Variants in CYSLTR1 observed in about 807,000 individuals in gnomAD.
CYSLTR1 encodes the protein G-protein coupled receptor HG55.
A neutral mutation model predicts 2.1 loss-of-function variants in CYSLTR1; 1 was observed. The ratio of observed to expected loss-of-function variants is 0.48; its 90% CI spans 0.17 to 2.28. The LOEUF is 2.28. CYSLTR1 is among the 30% of genes most tolerant of loss of function. CYSLTR1 has a pLI of 0.26. For synonymous variants in CYSLTR1, 110 were observed against 89.6 expected (o/e 1.23, Z -1.28); for missense variants, 299 against 250.1 (o/e 1.20, Z -1.32).
chrX:78,322,534 A>G (rs1190257904), intron 1 of CYSLTR1, among the ~76,000 whole-genome samples: 2 of 111,788 alleles, frequency 1.8e-5, no homozygotes, highest in African/African-American at 6.5e-5. Context: ...CTCATCCTCT[A>G]TGGAGATTTA....
At chrX:78,297,809 C>T (rs1255954629) in intron 1 of CYSLTR1, among the ~76,000 whole-genome samples, 1 of 111,217 alleles carries the variant, frequency 9.0e-6, no homozygotes, top group African/African-American at 3.3e-5. Context: ...TTTTGCTTAA[C>T]TTTTCAAAAA....
At chrX:78,289,773 G>C (rs981284587) in intron 1 of CYSLTR1, among the ~76,000 whole-genome samples, 3 of 112,265 alleles carry the variant, frequency 2.7e-5, no homozygotes, top group African/African-American at 9.7e-5. Flanking sequence ...TTTGAGAAGT[G>C]TCTGTTCATA....
At chrX:78,279,459 G>A (rs1186420181) in intron 2 of CYSLTR1, among the ~76,000 whole-genome samples, 7 of 111,282 alleles carry the variant, frequency 6.3e-5, no homozygotes, top group Non-Finnish European at 1.1e-4. Context: ...AATAGATGTC[G>A]GCGAGTTTGC....
At chrX:78,281,117 G>A (rs1376624742) in intron 2 of CYSLTR1, among the ~76,000 whole-genome samples, 1 of 111,114 alleles carries the variant, frequency 9.0e-6, no homozygotes, top group Non-Finnish European at 1.9e-5. Flanking sequence ...GGAATTGCTG[G>A]GTGGAATGAT....
intron 2 of CYSLTR1, among the ~76,000 whole-genome samples, chrX:78,275,821 T>A (rs915973417): frequency 2.7e-5 from 3 of 111,418 alleles, no homozygotes; most frequent in Non-Finnish European, 3.8e-5. Context: ...CTATGGAAAA[T>A]AATCTAATTT....
intron 2 of CYSLTR1, among the ~76,000 whole-genome samples, chrX:78,274,674 G>T (rs1169287569): frequency 1.8e-5 from 2 of 110,141 alleles, no homozygotes; most frequent in African/African-American, 6.6e-5. Flanking sequence ...CATGGGCAAG[G>T]ACTTCATGTC....
At chrX:78,325,142 C>G (rs1157018092) in intron 1 of CYSLTR1, among the ~76,000 whole-genome samples, 2 of 112,182 alleles carry the variant, frequency 1.8e-5, no homozygotes, top group Non-Finnish European at 3.8e-5. Context: ...TTTTTAAATA[C>G]TACTCTTAAA....
At chrX:78,275,801 C>T (rs1442696201) in intron 2 of CYSLTR1, among the ~76,000 whole-genome samples, 1 of 111,365 alleles carries the variant, frequency 9.0e-6, no homozygotes, top group African/African-American at 3.3e-5. Flanking sequence ...CTGTTGAGTG[C>T]CACCCATACC....
chrX:78,298,520 T>G (rs1012254877), intron 1 of CYSLTR1, among the ~76,000 whole-genome samples: 1 of 111,541 alleles, frequency 9.0e-6, no homozygotes, highest in Non-Finnish European at 1.9e-5. Flanking sequence ...TCTCTTTATC[T>G]CTAATGATAT....
Position 78,273,715 on chromosome X carries a change from G to A in CYSLTR1, c.32C>T (p.Ser11Phe). ...ATCAATAGTGTCATGGCATGTGGCA[G>A]AAGATACTGTCAGATTTCCTGTTTC... MDETGNLTVSSATCHDTIDDF... is the reference protein window; with the variant it reads MDETGNLTVSFATCHDTIDDF... Residue 11 changes from serine (S) to phenylalanine (F), a missense_variant, in exon 3 of 3, where the codon TCT becomes TTT. Coordinates refer to ENST00000373304, the MANE Select transcript of CYSLTR1 (RefSeq NM_006639.4). 8.3e-7 allele frequency: 1 copy of A among 1,201,242 alleles called. No homozygotes were observed. The highest frequency in any genetic ancestry group is 1.1e-6 in the Non-Finnish European group (1 of 887,900).
Position 78,305,878 on chromosome X carries a change from A to G in CYSLTR1, c.-115+21427T>C, listed in dbSNP as rs181421781. Among the ~76,000 whole-genome samples the G allele has an allele frequency of 3.9e-3, 444 of 112,787 alleles. 1 individual carries two copies. Among genetic ancestry groups the G allele is most frequent in the African/African-American group, 0.014 (426 of 31,117 alleles). ...TATACCACCTTTTCTTTGCTCATTC[A>G]TCTGCCAATGGGCATTTGGCAGAAC... On this transcript the variant is annotated intron_variant, in intron 1 of 2. Transcript: ENST00000373304.
At chrX:78,303,580 G>A (rs1303463893) in intron 1 of CYSLTR1, among the ~76,000 whole-genome samples, 2 of 110,952 alleles carry the variant, frequency 1.8e-5, no homozygotes, top group Non-Finnish European at 3.8e-5. Flanking sequence ...AGACTGTCAA[G>A]GCAATGAATA....
At chrX:78,274,235 C>T in intron 2 of CYSLTR1, among the ~76,000 whole-genome samples, 1 of 111,130 alleles carries the variant, frequency 9.0e-6, no homozygotes, top group Non-Finnish European at 1.9e-5. Context: ...CCTTGGCTCC[C>T]AAAAAGAGCC....
At chrX:78,289,303 T>G (rs763175917) in intron 1 of CYSLTR1, among the ~76,000 whole-genome samples, 30 of 112,168 alleles carry the variant, frequency 2.7e-4, no homozygotes, top group African/African-American at 9.4e-4. Flanking sequence ...TCATCCTTTT[T>G]TATGACTGCA....
intron 1 of CYSLTR1, among the ~76,000 whole-genome samples, chrX:78,303,579 AG>A (rs968804748): frequency 4.5e-5 from 5 of 111,188 alleles, no homozygotes; most frequent in African/African-American, 1.6e-4. Flanking sequence ...TAGACTGTCA[AG>A]GCAATGAATA....
intron 1 of CYSLTR1, among the ~76,000 whole-genome samples, chrX:78,310,881 C>T (rs1057314553): frequency 3.7e-5 from 4 of 109,047 alleles, no homozygotes; most frequent in South Asian, 3.9e-4. Context: ...TGTGTTTGGG[C>T]GTGTGTGGGT....
intron 1 of CYSLTR1, among the ~76,000 whole-genome samples, chrX:78,284,387 T>A (rs191934551): frequency 0.013 from 1,502 of 111,374 alleles, 26 homozygotes; most frequent in African/African-American, 0.046. Context: ...ATTCTTTTTT[T>A]AAAATTTTTA....
rs1377353823 is a variant in CYSLTR1 at position 78,324,433 on chromosome X, T to A, written c.-115+2872A>T. On this transcript the variant is annotated intron_variant, in intron 1 of 2. Coordinates refer to ENST00000373304, the MANE Select transcript of CYSLTR1 (RefSeq NM_006639.4). ...GCCCGGCTTGAGTGCAGTGGCGCGA[T>A]CTCGGCTCACTGCGACCTCCACCAC... 2.1e-4 allele frequency among the ~76,000 whole-genome samples: 23 copies of A among 112,140 alleles called. No individual in the cohort carries two copies. The Admixed American group carries it at 2.2e-3, about 11-fold the overall frequency.
At chrX:78,276,842 G>A (rs1921613652) in intron 2 of CYSLTR1, among the ~76,000 whole-genome samples, 1 of 110,713 alleles carries the variant, frequency 9.0e-6, no homozygotes, top group Non-Finnish European at 1.9e-5. Context: ...GAGACCCAAG[G>A]CTGAAAGGGG....
Sources: allele counts gnomAD v4.1 joint callset (sites outside exome capture counted in the v4.1 genomes callset), GRCh38; gene constraint gnomAD v4.1.1; transcripts MANE v1.5; gene names NCBI Gene and HGNC (gene_info 2026-07-23, HGNC 2026-07-21).